Variants in PHF7 observed in about 807,000 individuals in gnomAD.
The protein encoded by PHF7 is PHD finger protein 7, also known as E3 ubiquitin-protein ligase PHF7.
PHF7 carries 24 observed loss-of-function variants against 47.5 expected under a neutral mutation model. The observed-to-expected ratio is 0.51, with a 90% CI of 0.37 to 0.71. The LOEUF (loss-of-function observed/expected upper bound fraction) is 0.71. Ranked by LOEUF, PHF7 falls within the 30% of genes least tolerant of loss-of-function variation. The probability of loss-of-function intolerance (pLI) is 0.00; values close to 1 mark genes in which losing one functional copy is unlikely to be tolerated. For missense variants in PHF7, 361 were observed against 456.8 expected, an observed-to-expected ratio of 0.79 and a Z score of 1.91; for synonymous variants, 156 against 153.8, an observed-to-expected ratio of 1.01 and a Z score of -0.11.
At chr3:52,421,558 C>A in intron 7 of PHF7, 90 bp from the exon 8 acceptor site, 1 of 798,902 alleles carries the variant, frequency 1.3e-6, no homozygotes, top group Non-Finnish European at 2.2e-6. Flanking sequence ...CTCTTAGCAA[C>A]ATCCTCTTTG....
intron 4 of PHF7, among the ~76,000 whole-genome samples, chr3:52,416,924 A>G (rs1225382290): frequency 5.3e-5 from 8 of 151,600 alleles, no homozygotes; most frequent in Non-Finnish European, 1.5e-5. Flanking sequence ...AAATATATGT[A>G]TTGAGACTAT....
At chr3:52,419,024 C>G (rs536826368) in intron 4 of PHF7, among the ~76,000 whole-genome samples, 3 of 152,010 alleles carry the variant, frequency 2.0e-5, no homozygotes, top group African/African-American at 7.3e-5. Flanking sequence ...AGGCTGGTCT[C>G]GAACTCCTGA....
chr3:52,420,341 G>T lies in PHF7; in HGVS notation c.319G>T (p.Ala107Ser), dbSNP rs1705749114. The T allele has an allele frequency of 6.2e-7, 1 of 1,613,934 alleles. No individual in the cohort carries two copies. The highest frequency in any genetic ancestry group is 1.1e-5 in the South Asian group (1 of 91,078). Reference sequence around the variant, plus strand: ...CTTTGTGTGCAAGAAAAAGGGAGCTGCTATCAACTGCCAGAAGGATCAGTG... The same window carrying T: ...CTTTGTGTGCAAGAAAAAGGGAGCTTCTATCAACTGCCAGAAGGATCAGTG... ...ICFVCKKKGA[A>S]INCQKDQCLR... The change falls in exon 6 of 11, where the codon GCT becomes TCT. Residue 107 changes from alanine to serine, a missense_variant. Transcript: ENST00000327906.
At chr3:52,415,224 T>A (rs1053953436) in intron 4 of PHF7, among the ~76,000 whole-genome samples, 7 of 151,852 alleles carry the variant, frequency 4.6e-5, no homozygotes, top group Admixed American at 2.6e-4. Flanking sequence ...GAGAACGGAG[T>A]CTCACTCTCT....
chr3:52,414,519 C>G lies in PHF7; in HGVS notation c.118C>G (p.Pro40Ala). Residue 40 changes from proline (P) to alanine (A), a missense_variant, in exon 4 of 11, where the codon CCT (proline) becomes GCT (alanine). Pro to Ala is a conservative substitution (Grantham distance 27). Coordinates refer to ENST00000327906, the MANE Select transcript of PHF7 (RefSeq NM_016483.7). ...GPVCWLCLREPGDPEKLGEFL... is the reference protein window; with the variant it reads ...GPVCWLCLREAGDPEKLGEFL... ...AGTTTGCTGGCTATGCCTTCGAGAA[C>G]CTGGGGATCCCGAAAAATTAGGGGA... 6.2e-7 allele frequency: 1 copy of G among 1,612,312 alleles called. No homozygotes were observed. Among genetic ancestry groups the G allele is most frequent in the Non-Finnish European group, 8.5e-7 (1 of 1,178,828 alleles).
rs377212667 is a variant in PHF7, at chr3:52,412,838, T to C, written c.-42T>C. The stretch of plus-strand genomic sequence containing the variant: ...GGAAGAGCCTGTATTGTCCTCACAA[T>C]AGTATAGAAGAATTCAAGAGAGGAG... On this transcript the variant is annotated 5_prime_UTR_variant, in exon 2 of 11. Transcript: ENST00000327906. The C allele has an allele frequency of 6.7e-5, 100 of 1,487,702 alleles. No homozygotes were observed. Among genetic ancestry groups the C allele is most frequent in the Non-Finnish European group, 8.5e-5 (91 of 1,067,634 alleles). The allele number at this position is 1,487,702 out of a possible 1,614,324, so 92.2% of individuals were successfully genotyped here. A position where few individuals can be genotyped will look rare whatever the true frequency, so the allele number is the denominator to read the frequency against.
intron 3 of PHF7, 33 bp downstream of exon 3, chr3:52,414,081 G>C (rs1371342035): frequency 6.5e-7 from 1 of 1,536,744 alleles, no homozygotes; most frequent in East Asian, 2.2e-5. Context: ...TTCGCCCACT[G>C]CCTCCAGCCC....
rs773431844 is a variant in PHF7, at chr3:52,423,363, C to T, written c.*46C>T. 1.7e-5 allele frequency: 22 copies of T among 1,279,744 alleles called. No individual in the cohort carries two copies. The highest frequency in any genetic ancestry group is 1.9e-4 in the Middle Eastern group (1 of 5,160). The allele number at this position is 1,279,744 out of a possible 1,614,324, so 79.3% of individuals were successfully genotyped here. On this transcript the variant is annotated 3_prime_UTR_variant, in exon 11 of 11. Transcript: ENST00000327906. ...TCCCACACAATAGGGTATGAAGCTG[C>T]GCTCCTCCATCGGGTTTGGGGAGGG... is the stretch of plus-strand genomic sequence containing the variant.
In PHF7 at chr3:52,414,634, G is replaced by A. The variant is rs374495991; in HGVS notation, c.186+47G>A. The A allele has an allele frequency of 7.5e-4, 794 of 1,060,308 alleles. 16 individuals carry two copies. The South Asian group carries it at 9.6e-3, about 13-fold the overall frequency. The allele number at this position is 1,060,308 out of a possible 1,614,324, so 65.7% of individuals were successfully genotyped here. On this transcript the variant is annotated intron_variant, in intron 4 of 10. Transcript: ENST00000327906. ...CTTTGAATATCCTATGGCTTTTGGT[G>A]TACTGACTGTTCTCTGTTACATTCA...
At chr3:52,419,013 C>G (rs1705702142) in intron 4 of PHF7, among the ~76,000 whole-genome samples, 1 of 152,116 alleles carries the variant, frequency 6.6e-6, no homozygotes, top group Admixed American at 6.5e-5. Context: ...CCATGTTGGC[C>G]AGGCTGGTCT....
chr3:52,417,923 G>A (rs565366323), intron 4 of PHF7, among the ~76,000 whole-genome samples: 1 of 152,200 alleles, frequency 6.6e-6, no homozygotes, highest in Admixed American at 6.5e-5. Context: ...TTTCATAGAT[G>A]TTTTTATCAG....
chr3:52,421,160 G>A lies in PHF7; in HGVS notation c.573+98G>A, dbSNP rs1290952584. 8.9e-6 allele frequency: 10 copies of A among 1,126,828 alleles called. No homozygotes were observed. In the South Asian group the frequency reaches 1.2e-4, roughly 14 times the overall value. 69.8% of individuals were successfully genotyped at this position (1,126,828 alleles called of 1,614,324 possible). A position where few individuals can be genotyped will look rare whatever the true frequency, so the allele number is the denominator to read the frequency against. Reference sequence around the variant, plus strand: ...AATGCTCAGGTGTGCCTCAGCTTTGGTGCTCCATGCTGGAGGCCTGTATTG... The same window carrying A: ...AATGCTCAGGTGTGCCTCAGCTTTGATGCTCCATGCTGGAGGCCTGTATTG... On this transcript the variant is annotated intron_variant, in intron 7 of 10. Coordinates refer to ENST00000327906, the MANE Select transcript of PHF7 (RefSeq NM_016483.7).
Position 52,412,857 on chromosome 3 carries a change from A to T in PHF7, c.-23A>T, listed in dbSNP as rs573846962. 14 of 1,587,288 alleles carry T rather than the reference A, an allele frequency of 8.8e-6. No individual in the cohort carries two copies. In the African/African-American group the frequency reaches 1.9e-4, roughly 21 times the overall value. The stretch of plus-strand genomic sequence containing the variant: ...TCACAATAGTATAGAAGAATTCAAG[A>T]GAGGAGAGAGAGACAGCACCGAATG... On this transcript the variant is annotated 5_prime_UTR_variant, in exon 2 of 11. It introduces an in-frame stop codon into an upstream open reading frame of the 5' UTR. Coordinates refer to ENST00000327906, the MANE Select transcript of PHF7 (RefSeq NM_016483.7).
Position 52,421,653 on chromosome 3 carries a change from T to G in PHF7, c.579T>G (p.Tyr193Ter), listed in dbSNP as rs765951189. ...CTTCCCTGTTTCTCTTACAGAAATA[T>G]GCCCACACATCAGCAAAGCATTTCT... ...AIYHRKCIQK[Y>*]AHTSAKHFFK... The change falls in exon 8 of 11, where the codon TAT becomes TAG. Residue 193 changes from tyrosine to a stop codon, truncating the protein, a stop_gained. Coordinates refer to ENST00000327906, the MANE Select transcript of PHF7 (RefSeq NM_016483.7). LOFTEE classifies it high-confidence loss of function. 1 of 1,585,820 alleles carries G rather than the reference T, an allele frequency of 6.3e-7. No homozygotes were observed. The highest frequency in any genetic ancestry group is 8.7e-7 in the Non-Finnish European group (1 of 1,154,212).
At chr3:52,414,083 C>G in intron 3 of PHF7, 35 bp downstream of exon 3, 1 of 1,515,770 alleles carries the variant, frequency 6.6e-7, no homozygotes, top group South Asian at 1.1e-5. Context: ...CGCCCACTGC[C>G]TCCAGCCCTC....
intron 4 of PHF7, among the ~76,000 whole-genome samples, chr3:52,415,557 C>T (rs1455713542): frequency 6.6e-6 from 1 of 152,208 alleles, no homozygotes; most frequent in Non-Finnish European, 1.5e-5. Context: ...CAGTCAATCC[C>T]ACTAGACGTA....
chr3:52,412,090 C>T (rs1230816942), intron 1 of PHF7, among the ~76,000 whole-genome samples: 8 of 152,102 alleles, frequency 5.3e-5, no homozygotes, highest in Non-Finnish European at 4.4e-5. Context: ...CACCTGTGGT[C>T]CCAGCTACTT....
chr3:52,413,961 A>C, intron 2 of PHF7, 35 bp from the exon 3 acceptor site: 1 of 1,486,778 alleles, frequency 6.7e-7, no homozygotes, highest in Non-Finnish European at 9.4e-7. Context: ...AAGATCCCCA[A>C]AGAACACCTT....
rs2153228929 is a variant in PHF7 at position 52,413,988 on chromosome 3, T to C, written c.42-8T>C. On this transcript the variant is annotated splice_polypyrimidine_tract_variant and splice_region_variant and intron_variant, in intron 2 of 10. Coordinates refer to ENST00000327906, the MANE Select transcript of PHF7 (RefSeq NM_016483.7). ...GAACACCTTGTGCTTCTTATTTCTC[T>C]TGTATAGAAAATCTGCCAAGACTAG... 2 of 1,594,056 alleles carry C rather than the reference T, an allele frequency of 1.3e-6. No individual in the cohort carries two copies. The highest frequency in any genetic ancestry group is 2.2e-5 in the South Asian group (2 of 90,530).
Sources: allele counts gnomAD v4.1 joint callset (sites outside exome capture counted in the v4.1 genomes callset), GRCh38; gene constraint gnomAD v4.1.1; transcripts MANE v1.5; gene names NCBI Gene and HGNC (gene_info 2026-07-23, HGNC 2026-07-21).